Variants in PNKD observed in about 807,000 individuals in gnomAD.
The protein encoded by PNKD is PNKD metallo-beta-lactamase domain containing.
A neutral mutation model predicts 45.3 loss-of-function variants in PNKD; 36 were observed. The ratio of observed to expected loss-of-function variants is 0.80; its 90% CI spans 0.61 to 1.05. The LOEUF (loss-of-function observed/expected upper bound fraction) is 1.05. Ranked by LOEUF, PNKD falls within the 50% of genes least tolerant of loss-of-function variation. PNKD has a pLI of 0.00. For missense variants in PNKD, 511 were observed against 506.6 expected (o/e 1.01, Z -0.08); for synonymous variants, 197 against 210.1 (o/e 0.94, Z 0.54).
chr2:218,273,483 T>TTTTTTTTTTGGATTTTTTTTTACTTA (rs1690944784), intron 2 of PNKD, among the ~76,000 whole-genome samples: 2 of 98,040 alleles, frequency 2.0e-5, no homozygotes, highest in Admixed American at 1.1e-4. Context: ...TTACTTATTT[T>TTTTTTTTTTGGATTTTTTTTTACTTA]TTTTTTTTTT....
chr2:218,323,437 T>C, intron 2 of PNKD: 1 of 1,398,118 alleles, frequency 7.2e-7, no homozygotes, highest in Non-Finnish European at 9.4e-7. Flanking sequence ...ATCGGGTTAG[T>C]GCCCGGGCTC....
At chr2:218,279,974 T>G in intron 2 of PNKD, 1 of 1,418,424 alleles carries the variant, frequency 7.1e-7, no homozygotes. Context: ...CACTTCCCAT[T>G]CCCACAGCCT....
intron 2 of PNKD, chr2:218,273,060 AC>A: frequency 1.4e-6 from 1 of 735,894 alleles, no homozygotes; most frequent in Non-Finnish European, 2.0e-6. Flanking sequence ...GGTGGGGCAA[AC>A]CCAGAGACTT....
chr2:218,310,977 G>T (rs577545668), intron 2 of PNKD, among the ~76,000 whole-genome samples: 1 of 152,124 alleles, frequency 6.6e-6, no homozygotes. Context: ...GTAACATGCC[G>T]TGCAGGTTTG....
rs762776644 is a variant in PNKD, at chr2:218,271,560, A to G, written c.236+11A>G. 1.9e-6 allele frequency: 3 copies of G among 1,612,570 alleles called. No homozygotes were observed. The South Asian group carries it at 3.3e-5, about 18-fold the overall frequency. ...TGTGGGACTGGCCTGGTGAGTTTTA[A>G]CCACCCCTTTGCCCACCAACGGGGC... On this transcript the variant is annotated intron_variant, in intron 2 of 9. Transcript: ENST00000273077.
At chr2:218,272,565 C>T (rs771146246) in intron 2 of PNKD, 6 of 1,613,656 alleles carry the variant, frequency 3.7e-6, no homozygotes, top group South Asian at 3.3e-5. Flanking sequence ...TCTCCCCACC[C>T]GTAGGGCCAT....
At chr2:218,290,164 G>A (rs868861111) in intron 2 of PNKD, 1 of 152,168 alleles carries the variant, frequency 6.6e-6, no homozygotes. Flanking sequence ...AATGAGTGCT[G>A]GAAACAGATG....
intron 6 of PNKD, 40 bp downstream of exon 6, chr2:218,341,666 G>A: frequency 7.2e-7 from 1 of 1,395,136 alleles, no homozygotes; most frequent in Non-Finnish European, 1.0e-6. Flanking sequence ...CCTTCCATGG[G>A]CCCTTTCCCC....
rs1694641020 is a variant in PNKD, at chr2:218,340,518, T to G, written c.466-210T>G. Among the ~76,000 whole-genome samples the G allele has an allele frequency of 6.6e-6, 1 of 152,082 alleles. No individual in the cohort carries two copies. The highest frequency in any genetic ancestry group is 2.4e-5 in the African/African-American group (1 of 41,404). ...CTCCCATTCCTTATCTCTCTGTGTC[T>G]GCCTCTCTCTATGTACAAGTGTCCC... On this transcript the variant is annotated intron_variant, in intron 4 of 9. Transcript: ENST00000273077. This position sits in a 1 kb window ranked among gnomAD's most constrained non-coding sequence, Gnocchi z 4.2.
chr2:218,341,975 C>G lies in PNKD; in HGVS notation c.618-6C>G. On this transcript the variant is annotated splice_region_variant and splice_polypyrimidine_tract_variant and intron_variant, in intron 6 of 9. Coordinates refer to ENST00000273077, the MANE Select transcript of PNKD (RefSeq NM_015488.5). Reference sequence around the variant, plus strand: ...ACCTTCTGTCCCCTGCTCCCTTGTTCCCCAGTCCCCTGTGTCATCAAGATG... The same window carrying G: ...ACCTTCTGTCCCCTGCTCCCTTGTTGCCCAGTCCCCTGTGTCATCAAGATG... The G allele has an allele frequency of 6.2e-7, 1 of 1,610,516 alleles. No homozygotes were observed. Among genetic ancestry groups the G allele is most frequent in the Non-Finnish European group, 8.5e-7 (1 of 1,176,658 alleles).
intron 2 of PNKD, chr2:218,272,893 C>T: frequency 4.5e-6 from 7 of 1,571,710 alleles, no homozygotes; most frequent in Non-Finnish European, 4.3e-6. Flanking sequence ...CCCTGCCCCA[C>T]ACCAAGGAGC....
chr2:218,301,926 C>G (rs59549705), intron 2 of PNKD, among the ~76,000 whole-genome samples: 10,709 of 152,274 alleles, frequency 0.07, 639 homozygotes, highest in African/African-American at 0.16. Context: ...AAATACAGCC[C>G]CCGCTTTCTT....
At chr2:218,299,016 C>T (rs1248703921) in intron 2 of PNKD, among the ~76,000 whole-genome samples, 2 of 152,150 alleles carry the variant, frequency 1.3e-5, no homozygotes, top group Non-Finnish European at 2.9e-5. Flanking sequence ...ACTCTGACCA[C>T]CATCTATTTT....
chr2:218,274,237 T>G (rs938284165), intron 2 of PNKD: 1 of 155,016 alleles, frequency 6.5e-6, no homozygotes, highest in Non-Finnish European at 1.5e-5. Flanking sequence ...TTTATAGTTG[T>G]ATCCCTTTGT....
chr2:218,293,779 GGTTT>G (rs56160301), intron 2 of PNKD, among the ~76,000 whole-genome samples: 2 of 148,960 alleles, frequency 1.3e-5, no homozygotes, highest in Middle Eastern at 3.5e-3. Flanking sequence ...TGTTTTGTTT[GGTTT>G]GTTTGTTTTG....
intron 2 of PNKD, among the ~76,000 whole-genome samples, chr2:218,297,000 G>A (rs753169264): frequency 2.0e-5 from 3 of 152,192 alleles, no homozygotes; most frequent in African/African-American, 4.8e-5. Context: ...TTCAGAGGAC[G>A]TATTTACTGA....
At chr2:218,277,998 T>TTAAATGAC (rs759128226) in intron 2 of PNKD, 2 of 1,613,726 alleles carry the variant, frequency 1.2e-6, no homozygotes, top group Non-Finnish European at 1.7e-6. Context: ...GAAGCCTTGA[T>TTAAATGAC]TAAATGACTT....
At chr2:218,341,266 G>A (rs1285225687) in intron 5 of PNKD, among the ~76,000 whole-genome samples, 2 of 152,200 alleles carry the variant, frequency 1.3e-5, no homozygotes, top group African/African-American at 4.8e-5. Context: ...GCCCAGGCAC[G>A]GTGTGATCAG....
intron 2 of PNKD, among the ~76,000 whole-genome samples, chr2:218,273,448 T>G (rs578144398): frequency 0.02 from 858 of 43,644 alleles, 11 homozygotes; most frequent in African/African-American, 0.13. Flanking sequence ...CTTTTTGTGT[T>G]TTTTTTTTTT....
Sources: allele counts gnomAD v4.1 joint callset (sites outside exome capture counted in the v4.1 genomes callset), GRCh38; gene constraint gnomAD v4.1.1; non-coding constraint Gnocchi (gnomAD v3.1); transcripts MANE v1.5; gene names NCBI Gene and HGNC (gene_info 2026-07-23, HGNC 2026-07-21).